Variants in TNFRSF8 observed in about 807,000 individuals in gnomAD.
TNFRSF8 encodes TNF receptor superfamily member 8.
In TNFRSF8, 26 loss-of-function variants were observed where a neutral mutation model predicts 70.8. That is an observed-to-expected ratio of 0.37 (90% CI 0.27 to 0.51). The LOEUF (loss-of-function observed/expected upper bound fraction) is 0.51. TNFRSF8 is among the 20% of genes least tolerant of loss of function. TNFRSF8 has a pLI of 0.94. For synonymous variants in TNFRSF8, 356 were observed against 339.2 expected, an observed-to-expected ratio of 1.05 and a Z score of -0.54; for missense variants, 720 against 807.9, an observed-to-expected ratio of 0.89 and a Z score of 1.32.
At chr1:12,122,820 G>C (rs1283058465) in intron 8 of TNFRSF8, among the ~76,000 whole-genome samples, 1 of 152,058 alleles carries the variant, frequency 6.6e-6, no homozygotes, top group Non-Finnish European at 1.5e-5. Flanking sequence ...TTAGAGACAA[G>C]TAGCAACTTC....
At chr1:12,105,708 C>T (rs1641510476) in intron 4 of TNFRSF8, among the ~76,000 whole-genome samples, 1 of 152,136 alleles carries the variant, frequency 6.6e-6, no homozygotes, top group Non-Finnish European at 1.5e-5. Context: ...GAGGCCAAGG[C>T]AGGCAGATCA....
chr1:12,138,126 T>A lies in TNFRSF8; in HGVS notation c.1336-103T>A. On this transcript the variant is annotated intron_variant, in intron 13 of 14. Transcript: ENST00000263932. This position sits in a 1 kb window ranked among gnomAD's most constrained non-coding sequence, Gnocchi z 5.7. ...CAGCTTTTAAAGCAGAAAGGGGGAC[T>A]CACTGGGGTCTGTAGAGATGAAAAA... 2 of 1,194,342 alleles carry A rather than the reference T, an allele frequency of 1.7e-6. No individual in the cohort carries two copies. The highest frequency in any genetic ancestry group is 2.3e-6 in the Non-Finnish European group (2 of 859,072). 74.0% of individuals were successfully genotyped at this position (1,194,342 alleles called of 1,614,324 possible).
intron 1 of TNFRSF8, among the ~76,000 whole-genome samples, chr1:12,078,378 A>G (rs1236499253): frequency 6.6e-6 from 1 of 152,132 alleles, no homozygotes; most frequent in African/African-American, 2.4e-5. Context: ...AGCCTGGTCA[A>G]CATGGTGAAA....
rs1015181795 is a variant in TNFRSF8, at chr1:12,112,877, G to A, written c.793+863G>A. ...ACTGTTAGAGGCCCTGGCTATTCAC[G>A]GAGGCCACTGGGAATGTGTGTCTGT... On this transcript the variant is annotated intron_variant, in intron 7 of 14. Coordinates refer to ENST00000263932, the MANE Select transcript of TNFRSF8 (RefSeq NM_001243.5). This position sits in a 1 kb window ranked among gnomAD's most constrained non-coding sequence, Gnocchi z 5.3. Among the ~76,000 whole-genome samples the A allele has an allele frequency of 6.6e-6, 1 of 152,198 alleles. No individual in the cohort carries two copies. The highest frequency in any genetic ancestry group is 6.5e-5 in the Admixed American group (1 of 15,272).
chr1:12,076,456 T>A (rs1640969725), intron 1 of TNFRSF8, among the ~76,000 whole-genome samples: 1 of 152,186 alleles, frequency 6.6e-6, no homozygotes, highest in Non-Finnish European at 1.5e-5. Flanking sequence ...CATATTTTTT[T>A]CTTCTTTCTT....
rs1315503901 is a variant in TNFRSF8, at chr1:12,143,198, T to C, written c.*667T>C. ...CTCCTGGTGCTGCCCACCTTCCCTG[T>C]CCTGTAGCCCCCTCGGTGGGCCCAG... On this transcript the variant is annotated 3_prime_UTR_variant, in exon 15 of 15. Transcript: ENST00000263932. This position sits in a 1 kb window ranked among gnomAD's most constrained non-coding sequence, Gnocchi z 4.1. The C allele has an allele frequency of 2.6e-5, 4 of 152,324 alleles. No homozygotes were observed. The highest frequency in any genetic ancestry group is 9.7e-5 in the African/African-American group (4 of 41,358). The allele number at this position is 152,324 out of a possible 1,614,324, so 9.4% of individuals were successfully genotyped here.
rs373377053 is a variant in TNFRSF8, at chr1:12,137,106, A to G, written c.1336-1123A>G. Among the ~76,000 whole-genome samples, 23 of 152,170 alleles carry G rather than the reference A, an allele frequency of 1.5e-4. 2 individuals carry two copies. The highest frequency in any genetic ancestry group is 8.5e-4 in the Admixed American group (13 of 15,284). ...AGTGGTGATGACTCTTAGCGAGTGA[A>G]GAATACTCAGTTCTAAGCTGTGGTT... On this transcript the variant is annotated intron_variant, in intron 13 of 14. Transcript: ENST00000263932.
intron 8 of TNFRSF8, among the ~76,000 whole-genome samples, chr1:12,118,112 C>CG (rs1308155309): frequency 1.3e-5 from 2 of 151,978 alleles, no homozygotes; most frequent in East Asian, 1.9e-4. Context: ...ACCCTCCCCC[C>CG]CCACCCTTTT....
chr1:12,104,585 C>A, intron 4 of TNFRSF8, 54 bp downstream of exon 4: 1 of 1,604,228 alleles, frequency 6.2e-7, no homozygotes, highest in African/African-American at 1.3e-5. Flanking sequence ...TGCTGCTGCA[C>A]CTTCCGCCCA....
chr1:12,114,907 C>T (rs1641700909), intron 7 of TNFRSF8, among the ~76,000 whole-genome samples: 1 of 151,848 alleles, frequency 6.6e-6, no homozygotes, highest in African/African-American at 2.4e-5. Context: ...CGGGGTTTCA[C>T]CATGTTGGTC....
At chr1:12,079,469 T>C (rs1483926590) in intron 1 of TNFRSF8, among the ~76,000 whole-genome samples, 1 of 151,794 alleles carries the variant, frequency 6.6e-6, no homozygotes, top group Non-Finnish European at 1.5e-5. Context: ...AGCTCCCCTC[T>C]CTCTCTTCCC....
chr1:12,123,940 G>C, intron 10 of TNFRSF8, 113 bp downstream of exon 10: 1 of 934,368 alleles, frequency 1.1e-6, no homozygotes, highest in Middle Eastern at 3.5e-4. Context: ...TCTGAGAAGG[G>C]GGATTAAGGT....
rs1185762230 is a variant in TNFRSF8, at chr1:12,112,949, C to T, written c.793+935C>T. ...TGGGCAGCAAAGCAGAGTGAAGGGTCAGGGGAGGCCAAAAAGAACCACAGA... is the reference window on the plus strand; with the variant it reads ...TGGGCAGCAAAGCAGAGTGAAGGGTTAGGGGAGGCCAAAAAGAACCACAGA... On this transcript the variant is annotated intron_variant, in intron 7 of 14. Coordinates refer to ENST00000263932, the MANE Select transcript of TNFRSF8 (RefSeq NM_001243.5). The surrounding 1 kb of genome is among the most constrained non-coding windows in gnomAD (Gnocchi z 5.3). Among the ~76,000 whole-genome samples, 1 of 152,238 alleles carries T rather than the reference C, an allele frequency of 6.6e-6. No homozygotes were observed. Among genetic ancestry groups the T allele is most frequent in the African/African-American group, 2.4e-5 (1 of 41,466 alleles).
rs776701577 is a variant in TNFRSF8, at chr1:12,138,623, G to A, written c.1543+187G>A. On this transcript the variant is annotated intron_variant, in intron 14 of 14. Transcript: ENST00000263932. The surrounding 1 kb of genome is among the most constrained non-coding windows in gnomAD (Gnocchi z 5.7). ...GACAGCGAGGGTACTTACCTCGTAG[G>A]CCATTGTGCGGATTCATGAGCCAGT... is the stretch of plus-strand genomic sequence containing the variant. 2.6e-5 allele frequency among the ~76,000 whole-genome samples: 4 copies of A among 152,156 alleles called. No homozygotes were observed. Among genetic ancestry groups the A allele is most frequent in the African/African-American group, 4.8e-5 (2 of 41,426 alleles).
intron 1 of TNFRSF8, among the ~76,000 whole-genome samples, chr1:12,079,109 C>T (rs1641018331): frequency 6.6e-6 from 1 of 152,204 alleles, no homozygotes; most frequent in Non-Finnish European, 1.5e-5. Context: ...ACTCCCCGCT[C>T]ACCCCACAAC....
In TNFRSF8 at chr1:12,138,204, A is replaced by G; in HGVS notation, c.1336-25A>G. On this transcript the variant is annotated intron_variant, in intron 13 of 14. Transcript: ENST00000263932. This position sits in a 1 kb window ranked among gnomAD's most constrained non-coding sequence, Gnocchi z 5.7. ...GGTGGGGAGGTTGGGGGTACCCTGCAGCAGCACCCATTCCCGTCCCACAGC... is the reference window on the plus strand; with the variant it reads ...GGTGGGGAGGTTGGGGGTACCCTGCGGCAGCACCCATTCCCGTCCCACAGC... 6.2e-7 allele frequency: 1 copy of G among 1,609,688 alleles called. No individual in the cohort carries two copies. The highest frequency in any genetic ancestry group is 1.1e-5 in the South Asian group (1 of 90,938).
chr1:12,101,842 T>C (rs1641429005), intron 3 of TNFRSF8, among the ~76,000 whole-genome samples: 1 of 152,112 alleles, frequency 6.6e-6, no homozygotes, highest in Admixed American at 6.6e-5. Context: ...TGGCTAATTT[T>C]TGTATTTTTT....
intron 2 of TNFRSF8, among the ~76,000 whole-genome samples, chr1:12,085,497 C>T (rs1415145343): frequency 6.6e-6 from 1 of 152,202 alleles, no homozygotes; most frequent in African/African-American, 2.4e-5. Flanking sequence ...ATTAGTCCTC[C>T]TGCCTCAGCC....
chr1:12,122,391 G>C (rs1044694249), intron 8 of TNFRSF8, among the ~76,000 whole-genome samples: 8 of 151,628 alleles, frequency 5.3e-5, no homozygotes, highest in Non-Finnish European at 1.2e-4. Flanking sequence ...TCACGCCTAC[G>C]ATCCCAGCAC....
Sources: allele counts gnomAD v4.1 joint callset (sites outside exome capture counted in the v4.1 genomes callset), GRCh38; gene constraint gnomAD v4.1.1; non-coding constraint Gnocchi (gnomAD v3.1); transcripts MANE v1.5; gene names NCBI Gene and HGNC (gene_info 2026-07-23, HGNC 2026-07-21).